The following FOCAD variants were observed in gnomAD, a reference collection of about 807,000 sequenced individuals.
FOCAD encodes the protein KIAA1797.
In FOCAD, 198 loss-of-function variants were observed where a neutral mutation model predicts 225.6. The ratio of observed to expected loss-of-function variants is 0.88; its 90% confidence interval spans 0.78 to 0.99. FOCAD has a LOEUF of 0.99. Among genes scored for constraint, FOCAD ranks in the 50% least tolerant of loss-of-function variants. FOCAD has a pLI of 0.00. For synonymous variants in FOCAD, 897 were observed against 755.0 expected, an observed-to-expected ratio of 1.19 and a Z score of -3.08; for missense variants, 2,713 against 2,123.6, an observed-to-expected ratio of 1.28 and a Z score of -5.46.
At chr9:20,828,791 A>G (rs1232968241) in intron 15 of FOCAD, among the ~76,000 whole-genome samples, 1 of 151,558 alleles carries the variant, frequency 6.6e-6, no homozygotes, top group Non-Finnish European at 1.5e-5. Context: ...TCTCCCCGCA[A>G]CCCCTCCCCT....
rs901265060 is a variant in FOCAD, at chr9:20,727,835, G to A, written c.287+7301G>A. ...CCTAGGGATGCATCCCTCTTGGGAT[G>A]TTATGTCATTCTCTTCAACCCAAAC... is the stretch of plus-strand genomic sequence containing the variant. On this transcript the variant is annotated intron_variant, in intron 4 of 43. Transcript: ENST00000338382. Among the ~76,000 whole-genome samples the A allele has an allele frequency of 3.9e-5, 6 of 152,162 alleles. No individual in the cohort carries two copies. The South Asian group carries it at 6.2e-4, about 16-fold the overall frequency.
intron 33 of FOCAD, among the ~76,000 whole-genome samples, chr9:20,950,014 G>C (rs1837545046): frequency 6.6e-6 from 1 of 152,036 alleles, no homozygotes; most frequent in Non-Finnish European, 1.5e-5. Context: ...TTGGTAGAAA[G>C]GTCAAGAGGC....
intron 37 of FOCAD, among the ~76,000 whole-genome samples, chr9:20,979,118 A>G (rs1447284110): frequency 1.3e-5 from 2 of 152,240 alleles, no homozygotes; most frequent in Admixed American, 1.3e-4. Context: ...GTAAAGATGT[A>G]TAATTTTGAT....
chr9:20,703,288 C>T (rs1824117771), intron 1 of FOCAD, among the ~76,000 whole-genome samples: 1 of 151,924 alleles, frequency 6.6e-6, no homozygotes, highest in African/African-American at 2.4e-5. Context: ...GCTGAGGGGC[C>T]TGAGAGTTCT....
chr9:20,804,303 C>T (rs1822174836), intron 11 of FOCAD, among the ~76,000 whole-genome samples: 1 of 151,772 alleles, frequency 6.6e-6, no homozygotes, highest in Non-Finnish European at 1.5e-5. Flanking sequence ...TCATGTTTTT[C>T]CCCTTTGAGA....
At chr9:20,730,921 A>C (rs1228792083) in intron 4 of FOCAD, among the ~76,000 whole-genome samples, 3 of 152,154 alleles carry the variant, frequency 2.0e-5, no homozygotes, top group Admixed American at 6.5e-5. Flanking sequence ...TGAAAAAAAA[A>C]CCCATAACAA....
At chr9:20,924,687 T>C (rs1403292144) in intron 25 of FOCAD, among the ~76,000 whole-genome samples, 1 of 152,190 alleles carries the variant, frequency 6.6e-6, no homozygotes, top group African/African-American at 2.4e-5. Context: ...AAATCAACTC[T>C]GGTGACTCAT....
rs78134633 is a variant in FOCAD at position 20,791,061 on chromosome 9, C to T, written c.1455+1453C>T. 8.0e-3 allele frequency among the ~76,000 whole-genome samples: 1,214 copies of T among 152,220 alleles called. 12 individuals carry two copies. Among genetic ancestry groups the T allele is most frequent in the Non-Finnish European group, 0.014 (956 of 68,002 alleles). On this transcript the variant is annotated intron_variant, in intron 11 of 43. Transcript: ENST00000338382. ...CCTGCTTCTAACCAATGTTTTCTTT[C>T]AGTGTTGACACTTGGTAGGATAATC...
intron 8 of FOCAD, among the ~76,000 whole-genome samples, chr9:20,776,359 C>T (rs1818752817): frequency 6.6e-6 from 1 of 152,218 alleles, no homozygotes; most frequent in African/African-American, 2.4e-5. Context: ...CCAGTTACCA[C>T]AGCAGTAGCT....
At chr9:20,746,827 C>G (rs1009445831) in intron 5 of FOCAD, among the ~76,000 whole-genome samples, 1 of 152,084 alleles carries the variant, frequency 6.6e-6, no homozygotes, top group African/African-American at 2.4e-5. Flanking sequence ...CACCTGTTGC[C>G]TTTGGTTGCC....
intron 2 of FOCAD, among the ~76,000 whole-genome samples, chr9:20,677,656 A>G (rs375467849): frequency 2.7e-5 from 4 of 149,140 alleles, no homozygotes; most frequent in African/African-American, 1.0e-4. Context: ...CTACAATAAG[A>G]TATAACCTCA....
chr9:20,803,338 G>T (rs937620931), intron 11 of FOCAD, among the ~76,000 whole-genome samples: 13 of 152,052 alleles, frequency 8.5e-5, no homozygotes, highest in African/African-American at 2.7e-4. Flanking sequence ...TCTCTCCCCA[G>T]TCCAGCTTAA....
intron 2 of FOCAD, among the ~76,000 whole-genome samples, chr9:20,661,555 A>G (rs2131256288): frequency 6.6e-6 from 1 of 152,176 alleles, no homozygotes; most frequent in African/African-American, 2.4e-5. Context: ...CTAAGAGGGA[A>G]CTGTTAAACT....
At chr9:20,729,296 T>C (rs1826470728) in intron 4 of FOCAD, among the ~76,000 whole-genome samples, 1 of 152,202 alleles carries the variant, frequency 6.6e-6, no homozygotes, top group African/African-American at 2.4e-5. Flanking sequence ...TGGAAACCTT[T>C]GACATTCCTT....
chr9:20,740,405 C>T (rs1019820417), intron 5 of FOCAD, 65 bp downstream of exon 5: 4 of 887,106 alleles, frequency 4.5e-6, no homozygotes, highest in Admixed American at 2.2e-5. Flanking sequence ...TTAACTGTGA[C>T]ATGATAATCC....
At chr9:20,771,761 C>T (rs576254879) in intron 8 of FOCAD, among the ~76,000 whole-genome samples, 10 of 152,272 alleles carry the variant, frequency 6.6e-5, no homozygotes, top group Non-Finnish European at 1.3e-4. Flanking sequence ...TCTCAAAATA[C>T]ATAAATAAAC....
At chr9:20,943,223 A>G (rs2132310389) in intron 28 of FOCAD, among the ~76,000 whole-genome samples, 1 of 152,330 alleles carries the variant, frequency 6.6e-6, no homozygotes, top group East Asian at 1.9e-4. Flanking sequence ...TTGAAAATGC[A>G]TTGAGCTTGT....
intron 30 of FOCAD, 109 bp downstream of exon 30, chr9:20,946,929 G>C: frequency 1.5e-6 from 2 of 1,328,838 alleles, no homozygotes; most frequent in African/African-American, 1.5e-5. Context: ...TTCATGTCTA[G>C]AACTGAGGAA....
chr9:20,904,414 G>C (rs1309421512), intron 21 of FOCAD, among the ~76,000 whole-genome samples: 1 of 151,810 alleles, frequency 6.6e-6, no homozygotes, highest in East Asian at 1.9e-4. Context: ...CCTCCTCCAA[G>C]TTTTTGCCCA....
Sources: allele counts gnomAD v4.1 joint callset (sites outside exome capture counted in the v4.1 genomes callset), GRCh38; gene constraint gnomAD v4.1.1; transcripts MANE v1.5; gene names NCBI Gene and HGNC (gene_info 2026-07-23, HGNC 2026-07-21).